Variants in RHCE observed in about 807,000 individuals in gnomAD.
RHCE encodes Rh blood group CcEe antigens.
RHCE carries 22 observed loss-of-function variants against 43.8 expected under a neutral mutation model. The observed-to-expected ratio is 0.50, with a 90% confidence interval of 0.36 to 0.72. The LOEUF is 0.72. RHCE is among the 30% of genes least tolerant of loss of function. The pLI, the probability that RHCE is intolerant of heterozygous loss-of-function variation, is 0.00. For synonymous variants in RHCE, 156 were observed against 210.7 expected (o/e 0.74, Z 2.25); for missense variants, 385 against 525.4 (o/e 0.73, Z 2.61).
intron 8 of RHCE, among the ~76,000 whole-genome samples, chr1:25,370,823 A>G (rs1368015980): frequency 6.7e-6 from 1 of 150,068 alleles, no homozygotes; most frequent in Non-Finnish European, 1.5e-5. Context: ...ATCTCGGCTC[A>G]CTGCAGCCTC....
At chr1:25,419,100 C>T (rs1169761256) in intron 1 of RHCE, among the ~76,000 whole-genome samples, 1 of 152,186 alleles carries the variant, frequency 6.6e-6, no homozygotes, top group Non-Finnish European at 1.5e-5. Flanking sequence ...AATTACTCAA[C>T]ATCCATATGC....
chr1:25,418,227 A>G (rs1377084867), intron 1 of RHCE, among the ~76,000 whole-genome samples: 1 of 152,122 alleles, frequency 6.6e-6, no homozygotes, highest in Non-Finnish European at 1.5e-5. Context: ...GGGTTTCACC[A>G]TATGGGCCAG....
At chr1:25,398,746 C>G in intron 3 of RHCE, 3 of 1,598,782 alleles carry the variant, frequency 1.9e-6, no homozygotes, top group Middle Eastern at 4.5e-4. Flanking sequence ...AGGCTGAGTG[C>G]CGTTTGCGGT....
At chr1:25,397,365 T>C (rs1329512592) in intron 3 of RHCE, among the ~76,000 whole-genome samples, 2 of 150,522 alleles carry the variant, frequency 1.3e-5, no homozygotes, top group East Asian at 2.0e-4. Context: ...GGCGTGGTGG[T>C]GTGTGCCTGT....
intron 1 of RHCE, chr1:25,411,481 G>T: frequency 6.5e-7 from 1 of 1,544,982 alleles, no homozygotes; most frequent in South Asian, 1.2e-5. Flanking sequence ...CCCAGGGTCT[G>T]CCAGAGAGGA....
chr1:25,402,639 G>A lies in RHCE; in HGVS notation c.443C>T (p.Thr148Ile), dbSNP rs749493404. 5 of 1,613,996 alleles carry A rather than the reference G, an allele frequency of 3.1e-6. No individual in the cohort carries two copies. The highest frequency in any genetic ancestry group is 1.1e-5 in the South Asian group (1 of 91,076). The change falls in exon 3 of 10, where the codon ACA becomes ATA. Residue 148 changes from threonine (T) to isoleucine (I), a missense_variant. This residue lies in a region of RHCE where 110 missense variants were observed against 192.1 expected (regional missense o/e 0.57). Coordinates refer to ENST00000294413, the MANE Select transcript of RHCE (RefSeq NM_020485.8). ...QLVVMVLVEV[T>I]ALGTLRMVIS... Reference sequence around the variant, plus strand: ...GACCATCCTCAGGGTGCCTAAAGCTGTCACCTCCACCAGCACCATCACCAC... The same window carrying A: ...GACCATCCTCAGGGTGCCTAAAGCTATCACCTCCACCAGCACCATCACCAC...
chr1:25,425,338 CTG>C (rs750132940), upstream of RHCE, among the ~76,000 whole-genome samples: 5 of 152,226 alleles, frequency 3.3e-5, no homozygotes, highest in Non-Finnish European at 7.3e-5. Context: ...CCTCTCAAGC[CTG>C]TGAGTGTAGG....
At chr1:25,381,168 C>T (rs890326693) in intron 7 of RHCE, among the ~76,000 whole-genome samples, 1 of 152,114 alleles carries the variant, frequency 6.6e-6, no homozygotes, top group Non-Finnish European at 1.5e-5. Flanking sequence ...GGGTGACCTA[C>T]GGATTTTCTG....
At chr1:25,394,008 G>C (rs1646462948) in intron 3 of RHCE, among the ~76,000 whole-genome samples, 1 of 152,132 alleles carries the variant, frequency 6.6e-6, no homozygotes, top group Middle Eastern at 3.4e-3. Context: ...ATTTATTTTT[G>C]AGACGGAGTC....
upstream of RHCE, among the ~76,000 whole-genome samples, chr1:25,423,141 TC>T: frequency 6.6e-6 from 1 of 152,258 alleles, no homozygotes; most frequent in Admixed American, 6.5e-5. Context: ...GGTACCCCAA[TC>T]CCCAGAGGTC....
At chr1:25,425,838 C>T (rs1035505219) in intron 2 of RHCE, among the ~76,000 whole-genome samples, 4 of 152,222 alleles carry the variant, frequency 2.6e-5, no homozygotes, top group East Asian at 1.9e-4. Flanking sequence ...GGAGGTCCTC[C>T]GGTCCCTCCC....
intron 2 of RHCE, among the ~76,000 whole-genome samples, chr1:25,403,914 T>A (rs1447988499): frequency 6.6e-6 from 1 of 151,802 alleles, no homozygotes; most frequent in Non-Finnish European, 1.5e-5. Context: ...ATGCCTGTAC[T>A]CCCAGCACTT....
chr1:25,409,078 G>T lies in RHCE; in HGVS notation c.149-209C>A. On this transcript the variant is annotated intron_variant, in intron 1 of 9. Transcript: ENST00000294413. ...ACATGCCGTGTGGGGATAAGGTAAG[G>T]ATTAGAGGAGCTAAAGCTAATTAAG... Among the ~76,000 whole-genome samples, 2 of 123,550 alleles carry T rather than the reference G, an allele frequency of 1.6e-5. 1 individual carries two copies. The highest frequency in any genetic ancestry group is 3.7e-5 in the Non-Finnish European group (2 of 54,200). 81.1% of individuals were successfully genotyped at this position (123,550 alleles called of 152,430 possible). A position where few individuals can be genotyped will look rare whatever the true frequency, so the allele number is the denominator to read the frequency against.
intron 1 of RHCE, among the ~76,000 whole-genome samples, chr1:25,418,669 G>A (rs2042671291): frequency 6.6e-6 from 1 of 152,208 alleles, no homozygotes; most frequent in African/African-American, 2.4e-5. Flanking sequence ...GCTCTAGTGT[G>A]TGCACACGCA....
intron 1 of RHCE, chr1:25,411,335 C>T (rs1332437314): frequency 4.5e-6 from 7 of 1,550,328 alleles, no homozygotes; most frequent in Admixed American, 2.0e-5. Flanking sequence ...GCAATAGGAA[C>T]TCACCTGCCA....
At chr1:25,409,883 G>A (rs1450637302) in intron 1 of RHCE, among the ~76,000 whole-genome samples, 5 of 151,580 alleles carry the variant, frequency 3.3e-5, no homozygotes. Flanking sequence ...TGCCCCGGTG[G>A]GTAGAGCTAA....
chr1:25,427,447 T>C (rs868407426), intron 2 of RHCE, among the ~76,000 whole-genome samples: 40 of 152,284 alleles, frequency 2.6e-4, no homozygotes, highest in Middle Eastern at 3.4e-3. Context: ...CTGGTGAAGG[T>C]GTGGGGAGCT....
chr1:25,417,935 C>T (rs868138225), intron 1 of RHCE, among the ~76,000 whole-genome samples: 8 of 152,318 alleles, frequency 5.3e-5, no homozygotes, highest in South Asian at 4.1e-4. Flanking sequence ...AAACTTGTCG[C>T]GCTCCTGTTT....
intron 6 of RHCE, among the ~76,000 whole-genome samples, chr1:25,386,842 A>AACACACAC (rs3079633): frequency 7.0e-4 from 97 of 138,886 alleles, no homozygotes; most frequent in Middle Eastern, 3.5e-3. Flanking sequence ...ACAACAACAA[A>AACACACAC]ACACACACAC....
Sources: gnomAD v4.1 joint callset for allele counts (sites outside exome capture counted in the v4.1 genomes callset) on GRCh38, gnomAD v4.1.1 for gene constraint, gnomAD v4.1.1 regional missense constraint, MANE v1.5 for transcripts, NCBI Gene and HGNC (gene_info 2026-07-23, HGNC 2026-07-21) for gene names.